OR5P3: variants seen among roughly 807,000 people sequenced by gnomAD.
OR5P3 encodes the protein olfactory receptor 5P3.
For missense variants in OR5P3, 415 were observed against 375.6 expected (o/e 1.10, Z -0.87); for synonymous variants, 172 against 141.8 (o/e 1.21, Z -1.51).
chr11:7,825,792 T>TGTACATGGG lies in OR5P3; in HGVS notation c.172_180dup (p.Pro58_Tyr60dup). 1 of 1,613,116 alleles carries TGTACATGGG rather than the reference T, an allele frequency of 6.2e-7. No individual in the cohort carries two copies. Among genetic ancestry groups the TGTACATGGG allele is most frequent in the Non-Finnish European group, 8.5e-7 (1 of 1,179,992 alleles). ...ACAAAGGCCAAATGGCAGAGGAAAA[T>TGTACATGGG]GTACATGGGTGTATGAAGATGATGA... On this transcript the variant is annotated inframe_insertion, in exon 2 of 2. Transcript: ENST00000641167.
In OR5P3 at chr11:7,825,956, T is replaced by C; in HGVS notation, c.17A>G (p.Asp6Gly). The part of the protein sequence containing the change: MGTGN[D>G]TTVVEFTLLG... ...AAGAGTAAACTCTACCACAGTGGTG[T>C]CATTTCCAGTCCCCATCTATATTGG... Residue 6 changes from aspartate (D) to glycine (G), a missense_variant, in exon 2 of 2, where the codon GAC becomes GGC. Coordinates refer to ENST00000641167, the MANE Select transcript of OR5P3 (RefSeq NM_153445.2). 6 of 1,546,450 alleles carry C rather than the reference T, an allele frequency of 3.9e-6. No individual in the cohort carries two copies. Among genetic ancestry groups the C allele is most frequent in the Non-Finnish European group, 5.3e-6 (6 of 1,139,016 alleles).
At chr11:7,830,142 G>C (rs1218611187) in intron 1 of OR5P3, among the ~76,000 whole-genome samples, 3 of 152,122 alleles carry the variant, frequency 2.0e-5, no homozygotes, top group African/African-American at 7.2e-5. Context: ...CAAGCAGACT[G>C]AACGCTCTTG....
Position 7,824,914 on chromosome 11 carries a change from T to C in OR5P3, c.*123A>G. 1 of 617,468 alleles carries C rather than the reference T, an allele frequency of 1.6e-6. No homozygotes were observed. The highest frequency in any genetic ancestry group is 2.5e-6 in the Non-Finnish European group (1 of 406,204). 38.2% of individuals were successfully genotyped at this position (617,468 alleles called of 1,614,324 possible). A position where few individuals can be genotyped will look rare whatever the true frequency, so the allele number is the denominator to read the frequency against. ...CTGAAAATCTTCCCTCCTGATTGAC[T>C]AAAAAGCTCCACACTGGGTAATGGT... On this transcript the variant is annotated 3_prime_UTR_variant, in exon 2 of 2. Transcript: ENST00000641167.
In OR5P3 at chr11:7,825,550, G is replaced by A; in HGVS notation, c.423C>T (p.Cys141=). ...LYSTCMSPGV[C]IILVGMSYLG... is the part of the protein sequence containing the mutation. ...GGTAGGACATGCCCACTAAGATGAT[G>A]CAGACTCCAGGGGACATGCAGGTAG... Residue 141 remains cysteine, a synonymous_variant, in exon 2 of 2, where the codon TGC becomes TGT. Coordinates refer to ENST00000641167, the MANE Select transcript of OR5P3 (RefSeq NM_153445.2). 6.2e-7 allele frequency: 1 copy of A among 1,613,202 alleles called. No individual in the cohort carries two copies. The highest frequency in any genetic ancestry group is 1.1e-5 in the South Asian group (1 of 91,084).
chr11:7,825,946 C>T lies in OR5P3; in HGVS notation c.27G>A (p.Val9=). The T allele has an allele frequency of 1.3e-6, 2 of 1,572,000 alleles. No homozygotes were observed. The highest frequency in any genetic ancestry group is 1.7e-6 in the Non-Finnish European group (2 of 1,156,204). Reference sequence around the variant, plus strand: ...ATAACCCCAAAAGAGTAAACTCTACCACAGTGGTGTCATTTCCAGTCCCCA... The same window carrying T: ...ATAACCCCAAAAGAGTAAACTCTACTACAGTGGTGTCATTTCCAGTCCCCA... The part of the protein sequence containing the change: MGTGNDTT[V]VEFTLLGLSE... Residue 9 remains valine, a synonymous_variant, in exon 2 of 2, where the codon GTG becomes GTA. Transcript: ENST00000641167.
Position 7,826,000 on chromosome 11 carries a change from G to A in OR5P3, c.-21-7C>T. On this transcript the variant is annotated splice_region_variant and splice_polypyrimidine_tract_variant and intron_variant, in intron 1 of 1. Transcript: ENST00000641167. ...ATATTGGGAATGGTGCCAACTGAAA[G>A]AAAAACAAATGAATATTATAATGGG... The A allele has an allele frequency of 8.4e-7, 1 of 1,196,484 alleles. No homozygotes were observed. The highest frequency in any genetic ancestry group is 1.2e-6 in the Non-Finnish European group (1 of 847,836). 74.1% of individuals were successfully genotyped at this position (1,196,484 alleles called of 1,614,324 possible).
In OR5P3 at chr11:7,825,559, A is replaced by C. The variant is rs1371406726; in HGVS notation, c.414T>G (p.Pro138=). 6 of 1,613,234 alleles carry C rather than the reference A, an allele frequency of 3.7e-6. No homozygotes were observed. The East Asian group carries it at 1.3e-4, about 36-fold the overall frequency. ...TGCCCACTAAGATGATGCAGACTCC[A>C]GGGGACATGCAGGTAGAGTAGAGCA... ...SPLLYSTCMS[P]GVCIILVGMS... The change falls in exon 2 of 2, where the codon CCT becomes CCG. Residue 138 remains proline, a synonymous_variant. Coordinates refer to ENST00000641167, the MANE Select transcript of OR5P3 (RefSeq NM_153445.2).
rs554935170 is a variant in OR5P3 at position 7,826,864 on chromosome 11, GA to G, written c.-21-872del. Among the ~76,000 whole-genome samples the G allele has an allele frequency of 1.8e-4, 28 of 152,274 alleles. No individual in the cohort carries two copies. The East Asian group carries it at 5.2e-3, about 28-fold the overall frequency. ...AGAACACAAATATCCAGCCCTATCT[GA>G]ATAGTTGCTGTCTGAAAAAAATTGC... On this transcript the variant is annotated intron_variant, in intron 1 of 1. Coordinates refer to ENST00000641167, the MANE Select transcript of OR5P3 (RefSeq NM_153445.2).
rs1043685282 is a variant in OR5P3, at chr11:7,825,299, A to G, written c.674T>C (p.Ile225Thr). 6.2e-7 allele frequency: 1 copy of G among 1,613,046 alleles called. No individual in the cohort carries two copies. Among genetic ancestry groups the G allele is most frequent in the African/African-American group, 1.4e-5 (1 of 73,978 alleles). ...AISYIYILITILKMHSTKGRH... is the reference protein window; with the variant it reads ...AISYIYILITTLKMHSTKGRH... ...GCCCTTGGTGGAGTGCATCTTCAGGATGGTGATGAGGATATAGATGTAGGA... is the reference window on the plus strand; with the variant it reads ...GCCCTTGGTGGAGTGCATCTTCAGGGTGGTGATGAGGATATAGATGTAGGA... The change falls in exon 2 of 2, where the codon ATC (isoleucine) becomes ACC (threonine). Residue 225 changes from isoleucine (I) to threonine (T), a missense_variant. By Grantham distance (89) the Ile-to-Thr change is moderately conservative (BLOSUM62 -1). Coordinates refer to ENST00000641167, the MANE Select transcript of OR5P3 (RefSeq NM_153445.2).
intron 1 of OR5P3, among the ~76,000 whole-genome samples, chr11:7,827,618 G>A (rs1228519486): frequency 1.3e-5 from 2 of 152,124 alleles, no homozygotes; most frequent in Non-Finnish European, 2.9e-5. Context: ...AATGGTTCTA[G>A]CCTTTCTGCA....
intron 1 of OR5P3, among the ~76,000 whole-genome samples, chr11:7,829,190 C>A (rs1857780522): frequency 1.3e-5 from 2 of 152,108 alleles, no homozygotes; most frequent in South Asian, 4.2e-4. Flanking sequence ...CAATATGCAC[C>A]AAAGGGCATC....
chr11:7,826,330 G>A (rs994011664), intron 1 of OR5P3, among the ~76,000 whole-genome samples: 3 of 152,090 alleles, frequency 2.0e-5, no homozygotes, highest in East Asian at 1.9e-4. Context: ...GGCCAAAGAC[G>A]TGATTGAAGG....
At chr11:7,829,658 C>T (rs558910276) in intron 1 of OR5P3, among the ~76,000 whole-genome samples, 1 of 152,168 alleles carries the variant, frequency 6.6e-6, no homozygotes, top group Non-Finnish European at 1.5e-5. Context: ...GAAGATAATG[C>T]GTGAACTTTC....
rs1364263806 is a variant in OR5P3, at chr11:7,825,410, G to A, written c.563C>T (p.Ala188Val). Residue 188 changes from alanine (A) to valine (V), a missense_variant, in exon 2 of 2, where the codon GCT (alanine) becomes GTT (valine). Transcript: ENST00000641167. ...TTCAAAAGTAAAATCATGGGAACAA[G>A]CAAGCTTCAAAAGTGGTGAATAGTC... ...FCDYSPLLKLACSHDFTFEII... is the reference protein window; with the variant it reads ...FCDYSPLLKLVCSHDFTFEII... 2 of 1,613,206 alleles carry A rather than the reference G, an allele frequency of 1.2e-6. No individual in the cohort carries two copies. The highest frequency in any genetic ancestry group is 1.7e-6 in the Non-Finnish European group (2 of 1,180,032).
At position 7,825,493 on chromosome 11, in the gene OR5P3, A is replaced by T. The variant is rs1440354195; in HGVS notation, c.480T>A (p.Ile160=). The T allele has an allele frequency of 6.2e-7, 1 of 1,613,322 alleles. No homozygotes were observed. Among genetic ancestry groups the T allele is most frequent in the Admixed American group, 1.7e-5 (1 of 60,010 alleles). The stretch of plus-strand genomic sequence containing the variant: ...AGAAGGACAGTCTTAATAAGCAGCC[A>T]ATGAATGTCCAAGCATTCACACATC... ...LGGCVNAWTF[I]GCLLRLSFCG... The change falls in exon 2 of 2, where the codon ATT becomes ATA. Residue 160 remains isoleucine, a synonymous_variant. Transcript: ENST00000641167.
rs1166246489 is a variant in OR5P3 at position 7,825,910 on chromosome 11, A to T, written c.63T>A (p.Thr21=). 1 of 1,606,490 alleles carries T rather than the reference A, an allele frequency of 6.2e-7. No homozygotes were observed. ...EFTLLGLSED[T]TVCAILFLVF... Reference sequence around the variant, plus strand: ...CAAGAAATAAAATAGCACAAACTGTAGTATCCTCAGATAACCCCAAAAGAG... The same window carrying T: ...CAAGAAATAAAATAGCACAAACTGTTGTATCCTCAGATAACCCCAAAAGAG... Residue 21 remains threonine (T), a synonymous_variant, in exon 2 of 2, where the codon ACT becomes ACA. Transcript: ENST00000641167.
intron 1 of OR5P3, among the ~76,000 whole-genome samples, chr11:7,826,354 C>T (rs1217062233): frequency 6.6e-6 from 1 of 152,084 alleles, no homozygotes. Flanking sequence ...ACATAAATGT[C>T]AGAATAGACC....
intron 1 of OR5P3, among the ~76,000 whole-genome samples, chr11:7,829,362 G>T (rs1437479561): frequency 2.0e-5 from 3 of 150,996 alleles, no homozygotes; most frequent in Non-Finnish European, 4.4e-5. Flanking sequence ...GCAAGAAATG[G>T]CTCCTGAAGG....
chr11:7,828,383 C>T (rs1428409242), intron 1 of OR5P3, among the ~76,000 whole-genome samples: 1 of 152,132 alleles, frequency 6.6e-6, no homozygotes, highest in East Asian at 1.9e-4. Flanking sequence ...TGAAAATAAC[C>T]TTTCTTAGCT....
Sources: gnomAD v4.1 joint callset for allele counts (sites outside exome capture counted in the v4.1 genomes callset) on GRCh38, gnomAD v4.1.1 for gene constraint, MANE v1.5 for transcripts, NCBI Gene and HGNC (gene_info 2026-07-23, HGNC 2026-07-21) for gene names.